ANKRD16: variants seen among roughly 807,000 people sequenced by gnomAD.
The protein encoded by ANKRD16 is ankyrin repeat domain 16.
Under a neutral mutation model 37.9 loss-of-function variants are expected in ANKRD16, and 35 were observed. That is an observed-to-expected ratio of 0.92 (90% confidence interval 0.71 to 1.23). The LOEUF is 1.23. ANKRD16 is among the 50% of genes most tolerant of loss of function. The pLI is 0.00. For missense variants in ANKRD16, 480 were observed against 469.9 expected (o/e 1.02, Z -0.20); for synonymous variants, 206 against 197.2 (o/e 1.04, Z -0.37).
chr10:5,880,255 T>C (rs754151508), intron 6 of ANKRD16, 43 bp downstream of exon 6: 2 of 947,214 alleles, frequency 2.1e-6, no homozygotes, highest in Non-Finnish European at 3.2e-6. Flanking sequence ...TTGGTTATAC[T>C]CAGTTTACTA....
chr10:5,887,848 T>TG lies in ANKRD16; in HGVS notation c.533dup (p.Ala179SerfsTer14). The TG allele has an allele frequency of 6.2e-7, 1 of 1,612,726 alleles. No homozygotes were observed. The highest frequency in any genetic ancestry group is 8.5e-7 in the Non-Finnish European group (1 of 1,179,656). ...CACCTGCAGAGCTGTAGGCTGTACC[T>TG]GCAGTATGCAGAGGAGTCCTTCTAA... On this transcript the variant is annotated frameshift_variant and splice_region_variant, in exon 2 of 8. Coordinates refer to ENST00000380094, the MANE Select transcript of ANKRD16 (RefSeq NM_019046.3). LOFTEE classifies it high-confidence loss of function.
Position 5,877,867 on chromosome 10 carries a change from T to G in ANKRD16, c.*33+230A>C, listed in dbSNP as rs1842209501. 2.0e-5 allele frequency among the ~76,000 whole-genome samples: 3 copies of G among 152,214 alleles called. 1 individual carries two copies. In the South Asian group the frequency reaches 6.2e-4, roughly 31 times the overall value. On this transcript the variant is annotated intron_variant, in intron 7 of 7. Transcript: ENST00000380094. The stretch of plus-strand genomic sequence containing the variant: ...CGCGCAAACGTTATCTATTCTACTT[T>G]AAGAGTACAAAGAGTGAAATATGGA...
chr10:5,889,132 G>T lies in ANKRD16; in HGVS notation c.223C>A (p.Leu75Met). 1 of 1,598,288 alleles carries T rather than the reference G, an allele frequency of 6.3e-7. No homozygotes were observed. Residue 75 changes from leucine to methionine, a missense_variant, in exon 1 of 8, where the codon CTG (leucine) becomes ATG (methionine). Transcript: ENST00000380094. ...TGGCCCATGGAGGCCGCCTCGTGCAGAGGCCGCTTGTAGTCTCGGTTGGTG... is the reference window on the plus strand; with the variant it reads ...TGGCCCATGGAGGCCGCCTCGTGCATAGGCCGCTTGTAGTCTCGGTTGGTG... ...EATNRDYKRP[L>M]HEAASMGHRD...
chr10:5,866,851 G>T lies in ANKRD16; in HGVS notation c.*34-4160C>A, dbSNP rs193002022. On this transcript the variant is annotated intron_variant, in intron 7 of 7. Transcript: ENST00000380094. The surrounding 1 kb of genome is among the most constrained non-coding windows in gnomAD (Gnocchi z 4.3). ...GGAGACAGAGAGAGGAAGAGACAGA[G>T]AGGCTGAAAGTCAAAGAGAGAAGGA... 6.6e-6 allele frequency among the ~76,000 whole-genome samples: 1 copy of T among 152,160 alleles called. No individual in the cohort carries two copies. The highest frequency in any genetic ancestry group is 6.5e-5 in the Admixed American group (1 of 15,280).
At chr10:5,883,881 G>A in intron 4 of ANKRD16, 88 bp downstream of exon 4, 4 of 1,162,720 alleles carry the variant, frequency 3.4e-6, no homozygotes, top group South Asian at 2.9e-5. Flanking sequence ...ATGGAACCTG[G>A]GATCTGAGTA....
intron 7 of ANKRD16, among the ~76,000 whole-genome samples, chr10:5,872,635 C>A (rs950203387): frequency 2.0e-5 from 3 of 151,732 alleles, no homozygotes; most frequent in African/African-American, 7.3e-5. Flanking sequence ...CAGCTCACTG[C>A]AAGCTCCACC....
rs1589011816 is a variant in ANKRD16, at chr10:5,865,377, C to T, written c.*34-2686G>A. 6.6e-6 allele frequency among the ~76,000 whole-genome samples: 1 copy of T among 152,302 alleles called. No homozygotes were observed. Among genetic ancestry groups the T allele is most frequent in the Non-Finnish European group, 1.5e-5 (1 of 68,024 alleles). On this transcript the variant is annotated intron_variant, in intron 7 of 7. Transcript: ENST00000380094. This position sits in a 1 kb window ranked among gnomAD's most constrained non-coding sequence, Gnocchi z 4.7. ...GATCCAACAACAGGACCGAGGGTGC[C>T]CAGGGCAAGCGCCAGCTCATGTCAT...
At chr10:5,879,337 G>C (rs923140190) in intron 6 of ANKRD16, among the ~76,000 whole-genome samples, 4 of 152,130 alleles carry the variant, frequency 2.6e-5, no homozygotes, top group African/African-American at 9.7e-5. Flanking sequence ...AGCTGGGCAT[G>C]GTGGTGGGCA....
At chr10:5,881,568 G>A (rs1401357136) in intron 5 of ANKRD16, among the ~76,000 whole-genome samples, 1 of 148,610 alleles carries the variant, frequency 6.7e-6, no homozygotes, top group African/African-American at 2.5e-5. Context: ...GGGTTCAAGC[G>A]ATCCTTCTGC....
chr10:5,876,778 T>C (rs1564416110), intron 7 of ANKRD16, among the ~76,000 whole-genome samples: 1 of 152,198 alleles, frequency 6.6e-6, no homozygotes, highest in Non-Finnish European at 1.5e-5. Flanking sequence ...ATAAGAGGAT[T>C]CAATGTTGCT....
Position 5,869,941 on chromosome 10 carries a change from T to C in ANKRD16, c.*34-7250A>G, listed in dbSNP as rs759113763. Among the ~76,000 whole-genome samples, 3 of 152,158 alleles carry C rather than the reference T, an allele frequency of 2.0e-5. No individual in the cohort carries two copies. The highest frequency in any genetic ancestry group is 4.8e-5 in the African/African-American group (2 of 41,446). On this transcript the variant is annotated intron_variant, in intron 7 of 7. Transcript: ENST00000380094. The surrounding 1 kb of genome is among the most constrained non-coding windows in gnomAD (Gnocchi z 4.0). ...CATGGTATCCAGTAGGTAGTTTTTTTGACTGGCCCCCGCACCCCTGGACTC... is the reference window on the plus strand; with the variant it reads ...CATGGTATCCAGTAGGTAGTTTTTTCGACTGGCCCCCGCACCCCTGGACTC...
At chr10:5,875,496 A>G (rs975131002) in intron 7 of ANKRD16, among the ~76,000 whole-genome samples, 14 of 152,326 alleles carry the variant, frequency 9.2e-5, no homozygotes, top group African/African-American at 3.4e-4. Context: ...CAAATGTTGA[A>G]GAAAAGGACA....
rs148823007 is a variant in ANKRD16 at position 5,871,834 on chromosome 10, G to A, written c.*33+6263C>T. 3.9e-5 allele frequency among the ~76,000 whole-genome samples: 6 copies of A among 152,144 alleles called. No homozygotes were observed. The highest frequency in any genetic ancestry group is 7.4e-5 in the Non-Finnish European group (5 of 67,998). ...TGCTCATCCCCTCACTCACCCTCTC[G>A]GAGAAAACTACTGTCCTGTCAAACT... On this transcript the variant is annotated intron_variant, in intron 7 of 7. Transcript: ENST00000380094. This position sits in a 1 kb window ranked among gnomAD's most constrained non-coding sequence, Gnocchi z 4.5.
chr10:5,867,659 AG>A (rs1456943506), intron 7 of ANKRD16, among the ~76,000 whole-genome samples: 1 of 152,156 alleles, frequency 6.6e-6, no homozygotes, highest in Non-Finnish European at 1.5e-5. Context: ...CGCCCCTCAA[AG>A]CTCAAGTCCA....
In ANKRD16 at chr10:5,871,498, C is replaced by T. The variant is rs1162287211; in HGVS notation, c.*33+6599G>A. On this transcript the variant is annotated intron_variant, in intron 7 of 7. Coordinates refer to ENST00000380094, the MANE Select transcript of ANKRD16 (RefSeq NM_019046.3). This position sits in a 1 kb window ranked among gnomAD's most constrained non-coding sequence, Gnocchi z 4.5. ...AGTGTAAAAACTGCCAAATGTAAGT[C>T]CACATTATTATCCATTCTTGTAGGA... is the stretch of plus-strand genomic sequence containing the variant. Among the ~76,000 whole-genome samples, 1 of 152,132 alleles carries T rather than the reference C, an allele frequency of 6.6e-6. No individual in the cohort carries two copies. Among genetic ancestry groups the T allele is most frequent in the Non-Finnish European group, 1.5e-5 (1 of 68,008 alleles).
rs1842368931 is a variant in ANKRD16, at chr10:5,884,020, T to G, written c.636A>C (p.Ala212=). ...CGACGTCGATGTGCCCACACTGGAT[T>G]GCGTCCATCAAGGCGGTGACGCCAC... ...DNCGVTALMD[A]IQCGHIDVAR... Residue 212 remains alanine, a synonymous_variant, in exon 4 of 8, where the codon GCA becomes GCC. Coordinates refer to ENST00000380094, the MANE Select transcript of ANKRD16 (RefSeq NM_019046.3). 1.2e-6 allele frequency: 2 copies of G among 1,614,104 alleles called. No individual in the cohort carries two copies. Among genetic ancestry groups the G allele is most frequent in the East Asian group, 2.2e-5 (1 of 44,900 alleles).
chr10:5,889,286 C>T lies in ANKRD16; in HGVS notation c.69G>A (p.Lys23=). 1 of 1,413,132 alleles carries T rather than the reference C, an allele frequency of 7.1e-7. No individual in the cohort carries two copies. Among genetic ancestry groups the T allele is most frequent in the Non-Finnish European group, 9.2e-7 (1 of 1,090,160 alleles). The allele number at this position is 1,413,132 out of a possible 1,614,324, so 87.5% of individuals were successfully genotyped here. A position where few individuals can be genotyped will look rare whatever the true frequency, so the allele number is the denominator to read the frequency against. The change falls in exon 1 of 8, where the codon AAG becomes AAA. Residue 23 remains lysine (K), a synonymous_variant. Coordinates refer to ENST00000380094, the MANE Select transcript of ANKRD16 (RefSeq NM_019046.3). ...LVQEGRLRAL[K]EELQAAGGCP... ...AGCCCCCGGCCGCCTGCAGCTCCTC[C>T]TTCAGGGCGCGCAGCCGGCCCTCCT...
Position 5,882,053 on chromosome 10 carries a change from G to A in ANKRD16, c.849+953C>T, listed in dbSNP as rs560396098. On this transcript the variant is annotated intron_variant, in intron 5 of 7. Transcript: ENST00000380094. ...CCCAAAGTGCTGGGATTACAGGAGT[G>A]AGCCACTGCGCCTGGCCTATAAAAT... is the stretch of plus-strand genomic sequence containing the variant. Among the ~76,000 whole-genome samples, 19 of 152,056 alleles carry A rather than the reference G, an allele frequency of 1.2e-4. 1 individual carries two copies. Among genetic ancestry groups the A allele is most frequent in the African/African-American group, 3.9e-4 (16 of 41,488 alleles).
At position 5,869,385 on chromosome 10, in the gene ANKRD16, A is replaced by G. The variant is rs957012907; in HGVS notation, c.*34-6694T>C. ...AATTCCTAGAGTCCACCCTGGACCT[A>G]CAGGCCCAGCTCTCTGGGGCTGCCC... On this transcript the variant is annotated intron_variant, in intron 7 of 7. Coordinates refer to ENST00000380094, the MANE Select transcript of ANKRD16 (RefSeq NM_019046.3). The surrounding 1 kb of genome is among the most constrained non-coding windows in gnomAD (Gnocchi z 4.0). Among the ~76,000 whole-genome samples, 6 of 152,194 alleles carry G rather than the reference A, an allele frequency of 3.9e-5. No homozygotes were observed. Among genetic ancestry groups the G allele is most frequent in the African/African-American group, 1.4e-4 (6 of 41,450 alleles).
Sources: allele counts gnomAD v4.1 joint callset (sites outside exome capture counted in the v4.1 genomes callset), GRCh38; gene constraint gnomAD v4.1.1; non-coding constraint Gnocchi (gnomAD v3.1); transcripts MANE v1.5; gene names NCBI Gene and HGNC (gene_info 2026-07-23, HGNC 2026-07-21).